The following DIS3L2 variants were observed in gnomAD, a reference collection of about 807,000 sequenced individuals.
DIS3L2 encodes the protein DIS3-like exonuclease 2.
Under a neutral mutation model 97.5 loss-of-function variants are expected in DIS3L2, and 34 were observed. That is an observed-to-expected ratio of 0.35 (90% CI 0.27 to 0.46). The LOEUF (loss-of-function observed/expected upper bound fraction) is 0.46, where lower values mean the gene tolerates loss of function less well. Ranked by LOEUF, DIS3L2 falls within the 20% of genes least tolerant of loss-of-function variation. The probability of loss-of-function intolerance (pLI) is 1.00; values close to 1 mark genes in which losing one functional copy is unlikely to be tolerated. For synonymous variants in DIS3L2, 435 were observed against 445.2 expected (o/e 0.98, Z 0.29); for missense variants, 1,038 against 1,146.0 (o/e 0.91, Z 1.36).
chr2:232,041,103 T>A (rs1161426357), intron 5 of DIS3L2, among the ~76,000 whole-genome samples: 1 of 152,152 alleles, frequency 6.6e-6, no homozygotes, highest in Non-Finnish European at 1.5e-5. Flanking sequence ...ATTCTAGTGG[T>A]TGTATCTTAG....
chr2:232,094,308 T>G (rs1696934404), intron 6 of DIS3L2, among the ~76,000 whole-genome samples: 3 of 152,188 alleles, frequency 2.0e-5, no homozygotes, highest in Non-Finnish European at 4.4e-5. Context: ...ATGGATGAAG[T>G]ATTCTGTAAA....
chr2:232,048,321 A>G (rs921494221), intron 5 of DIS3L2, among the ~76,000 whole-genome samples: 1 of 152,174 alleles, frequency 6.6e-6, no homozygotes, highest in African/African-American at 2.4e-5. Flanking sequence ...GGACATTTCA[A>G]AATGGAGCCC....
chr2:232,110,334 C>T (rs1471965258), intron 6 of DIS3L2, among the ~76,000 whole-genome samples: 3 of 152,136 alleles, frequency 2.0e-5, no homozygotes, highest in African/African-American at 7.2e-5. Flanking sequence ...CCAGCAATCT[C>T]ATTACTTGAT....
chr2:232,020,720 C>T (rs1694489460), intron 3 of DIS3L2, among the ~76,000 whole-genome samples: 2 of 152,036 alleles, frequency 1.3e-5, no homozygotes, highest in South Asian at 4.1e-4. Context: ...GATGTGAAAG[C>T]GGGCAATTTT....
chr2:231,996,498 T>C (rs932040753), intron 1 of DIS3L2, among the ~76,000 whole-genome samples: 1 of 152,222 alleles, frequency 6.6e-6, no homozygotes, highest in African/African-American at 2.4e-5. Flanking sequence ...TTGTCAGTTT[T>C]AACATGAAGC....
chr2:231,983,554 T>C (rs1693319907), intron 1 of DIS3L2, among the ~76,000 whole-genome samples: 1 of 152,152 alleles, frequency 6.6e-6, no homozygotes, highest in Non-Finnish European at 1.5e-5. Context: ...GTGAACTGCA[T>C]GTGAGGGATG....
intron 14 of DIS3L2, among the ~76,000 whole-genome samples, chr2:232,317,058 G>A (rs1267712625): frequency 6.6e-6 from 1 of 152,172 alleles, no homozygotes; most frequent in East Asian, 1.9e-4. Flanking sequence ...ACCTCGCTGT[G>A]TGCCCTGGGA....
intron 10 of DIS3L2, among the ~76,000 whole-genome samples, chr2:232,222,378 T>A (rs1692529400): frequency 1.3e-5 from 2 of 152,200 alleles, no homozygotes; most frequent in Non-Finnish European, 2.9e-5. Flanking sequence ...GGGCCCTTGA[T>A]AATGAACCTG....
intron 9 of DIS3L2, among the ~76,000 whole-genome samples, chr2:232,176,674 C>T (rs572219445): frequency 8.6e-5 from 13 of 151,608 alleles, no homozygotes; most frequent in South Asian, 2.1e-4. Flanking sequence ...CTACAACCTC[C>T]GCCTTCCAGG....
chr2:232,093,764 T>G (rs187241121), intron 6 of DIS3L2, among the ~76,000 whole-genome samples: 1 of 152,264 alleles, frequency 6.6e-6, no homozygotes, highest in Admixed American at 6.5e-5. Context: ...TATTTCTTAG[T>G]CTGGCTAAAG....
At chr2:232,243,911 C>T (rs1693175239) in intron 11 of DIS3L2, among the ~76,000 whole-genome samples, 2 of 152,170 alleles carry the variant, frequency 1.3e-5, no homozygotes, top group Admixed American at 1.3e-4. Context: ...CCCCATGGAA[C>T]CCTCTAGGCC....
At chr2:231,980,662 C>T (rs899749412) in intron 1 of DIS3L2, among the ~76,000 whole-genome samples, 3 of 151,996 alleles carry the variant, frequency 2.0e-5, no homozygotes, top group Non-Finnish European at 4.4e-5. Context: ...TGTGCCATTG[C>T]ACTCCAACCT....
intron 1 of DIS3L2, among the ~76,000 whole-genome samples, chr2:231,986,649 C>T (rs1183380416): frequency 6.6e-6 from 1 of 152,296 alleles, no homozygotes; most frequent in East Asian, 1.9e-4. Flanking sequence ...GACAGCTCTA[C>T]AAAGAAGCTT....
At chr2:232,184,826 C>T (rs1034859793) in intron 9 of DIS3L2, among the ~76,000 whole-genome samples, 2 of 152,136 alleles carry the variant, frequency 1.3e-5, no homozygotes, top group Admixed American at 1.3e-4. Flanking sequence ...GCTTCTTATA[C>T]AATATCCTGT....
chr2:232,145,563 C>T (rs1188385100), intron 8 of DIS3L2, among the ~76,000 whole-genome samples: 2 of 152,096 alleles, frequency 1.3e-5, no homozygotes, highest in African/African-American at 4.8e-5. Context: ...CACACAGTAA[C>T]TGATAAAAGT....
chr2:232,063,921 C>T (rs945971873), intron 5 of DIS3L2, among the ~76,000 whole-genome samples: 1 of 151,976 alleles, frequency 6.6e-6, no homozygotes, highest in Non-Finnish European at 1.5e-5. Flanking sequence ...TAAGTTTTAT[C>T]AGAATAAAAA....
intron 10 of DIS3L2, among the ~76,000 whole-genome samples, chr2:232,219,762 C>A (rs1393694508): frequency 6.6e-6 from 1 of 152,162 alleles, no homozygotes; most frequent in Non-Finnish European, 1.5e-5. Flanking sequence ...TCCACAGCAA[C>A]TCATGTCTTC....
intron 10 of DIS3L2, among the ~76,000 whole-genome samples, chr2:232,230,680 G>T (rs1227725197): frequency 6.6e-6 from 1 of 152,194 alleles, no homozygotes; most frequent in Non-Finnish European, 1.5e-5. Flanking sequence ...TAGAGCCATG[G>T]TCTGCAGAGT....
intron 19 of DIS3L2, chr2:232,335,081 C>T (rs534531843): frequency 3.9e-6 from 1 of 253,284 alleles, no homozygotes; most frequent in Non-Finnish European, 7.7e-6. Context: ...GAAACTGTGT[C>T]CCCTGAAGAC....
Sources: gnomAD v4.1 joint callset for allele counts (sites outside exome capture counted in the v4.1 genomes callset) on GRCh38, gnomAD v4.1.1 for gene constraint, MANE v1.5 for transcripts, NCBI Gene and HGNC (gene_info 2026-07-23, HGNC 2026-07-21) for gene names.